Variants in BAIAP2L1 observed in about 807,000 individuals in gnomAD.
BAIAP2L1 encodes the protein BAR/IMD domain-containing adapter protein 2-like 1.
In BAIAP2L1, 35 loss-of-function variants were observed where a neutral mutation model predicts 66.3. The observed-to-expected ratio is 0.53, with a 90% CI of 0.40 to 0.70. BAIAP2L1 has a LOEUF of 0.70. BAIAP2L1 is among the 30% of genes least tolerant of loss of function. BAIAP2L1 has a pLI of 0.00. For synonymous variants in BAIAP2L1, 269 were observed against 248.7 expected (o/e 1.08, Z -0.77); for missense variants, 622 against 656.9 (o/e 0.95, Z 0.58).
chr7:98,314,227 C>T lies in BAIAP2L1; in HGVS notation c.639+1233G>A, dbSNP rs191869091. Among the ~76,000 whole-genome samples, 3 of 152,172 alleles carry T rather than the reference C, an allele frequency of 2.0e-5. No homozygotes were observed. The East Asian group carries it at 5.8e-4, about 29-fold the overall frequency. The stretch of plus-strand genomic sequence containing the variant: ...CAAACTCCTGACCTCAAGTGATTCA[C>T]CCACTTTGGTCTCCCAAAGTGCTGG... On this transcript the variant is annotated intron_variant, in intron 7 of 13. Transcript: ENST00000005260.
chr7:98,393,445 GTTAA>G (rs1171111873), intron 1 of BAIAP2L1, among the ~76,000 whole-genome samples: 2 of 151,880 alleles, frequency 1.3e-5, no homozygotes, highest in Non-Finnish European at 2.9e-5. Context: ...GCATTTTCTT[GTTAA>G]TTAAATATTA....
intron 2 of BAIAP2L1, among the ~76,000 whole-genome samples, chr7:98,361,159 C>T (rs1802261703): frequency 1.3e-5 from 2 of 152,152 alleles, no homozygotes; most frequent in East Asian, 1.9e-4. Context: ...GAGTTCGAGA[C>T]CAGCCTGGCC....
chr7:98,353,545 A>G (rs1384811008), intron 3 of BAIAP2L1, among the ~76,000 whole-genome samples: 1 of 136,686 alleles, frequency 7.3e-6, no homozygotes, highest in East Asian at 2.0e-4. Context: ...ACATATATTT[A>G]TATTATAAAT....
chr7:98,385,744 T>C, intron 1 of BAIAP2L1: 1 of 1,370,168 alleles, frequency 7.3e-7, no homozygotes, highest in African/African-American at 1.5e-5. Flanking sequence ...TTTGTTGTTT[T>C]TTTTTTCACA....
At chr7:98,332,881 A>G (rs1801532474) in intron 3 of BAIAP2L1, among the ~76,000 whole-genome samples, 1 of 145,740 alleles carries the variant, frequency 6.9e-6, no homozygotes, top group African/African-American at 2.5e-5. Context: ...CCCCATCTGC[A>G]CCCGGGGTTA....
intron 12 of BAIAP2L1, among the ~76,000 whole-genome samples, chr7:98,296,664 A>C (rs528456172): frequency 6.6e-6 from 1 of 152,266 alleles, no homozygotes; most frequent in East Asian, 1.9e-4. Context: ...ACAAAAACAG[A>C]AACAACAAAA....
At chr7:98,367,725 C>T (rs1314729373) in intron 1 of BAIAP2L1, among the ~76,000 whole-genome samples, 3 of 151,766 alleles carry the variant, frequency 2.0e-5, no homozygotes, top group Admixed American at 2.0e-4. Flanking sequence ...TTAGTAGAGA[C>T]GGGTTTCACT....
At chr7:98,364,652 G>A (rs545441295) in intron 1 of BAIAP2L1, among the ~76,000 whole-genome samples, 1 of 151,846 alleles carries the variant, frequency 6.6e-6, no homozygotes, top group Non-Finnish European at 1.5e-5. Context: ...GCTGAGTAGA[G>A]CAGAGTAGAT....
intron 3 of BAIAP2L1, among the ~76,000 whole-genome samples, chr7:98,337,091 G>A (rs972943404): frequency 2.6e-5 from 4 of 152,110 alleles, no homozygotes; most frequent in Non-Finnish European, 4.4e-5. Context: ...TGTGCAAAGC[G>A]CACTGAGTCA....
rs771557842 is a variant in BAIAP2L1 at position 98,345,544 on chromosome 7, G to A, written c.214+9498C>T. On this transcript the variant is annotated intron_variant, in intron 3 of 13. Coordinates refer to ENST00000005260, the MANE Select transcript of BAIAP2L1 (RefSeq NM_018842.5). The stretch of plus-strand genomic sequence containing the variant: ...GTTTGAGACGAGCCTGACCAGTATC[G>A]TGAAACCCCATCTTTACTAAAAATA... Among the ~76,000 whole-genome samples the A allele has an allele frequency of 2.6e-5, 4 of 151,988 alleles. No individual in the cohort carries two copies. In the South Asian group the frequency reaches 6.2e-4, roughly 24 times the overall value.
chr7:98,349,625 C>A (rs548479666), intron 3 of BAIAP2L1, among the ~76,000 whole-genome samples: 1 of 152,148 alleles, frequency 6.6e-6, no homozygotes, highest in African/African-American at 2.4e-5. Context: ...GTAATCCCAG[C>A]ACTTTGGGAG....
chr7:98,314,697 G>T (rs951505037), intron 7 of BAIAP2L1, among the ~76,000 whole-genome samples: 2 of 152,098 alleles, frequency 1.3e-5, no homozygotes, highest in Non-Finnish European at 2.9e-5. Flanking sequence ...GTGAATGGGG[G>T]CCCGTGGGCT....
intron 3 of BAIAP2L1, among the ~76,000 whole-genome samples, chr7:98,354,392 C>A (rs549536273): frequency 9.2e-5 from 14 of 152,280 alleles, no homozygotes; most frequent in African/African-American, 3.1e-4. Flanking sequence ...TCCGGTTAAG[C>A]CAGAAATTTT....
At chr7:98,338,848 C>T (rs915874687) in intron 3 of BAIAP2L1, among the ~76,000 whole-genome samples, 6 of 151,734 alleles carry the variant, frequency 4.0e-5, no homozygotes, top group South Asian at 2.1e-4. Context: ...CTGAGGTGGG[C>T]GGATCACCTG....
intron 1 of BAIAP2L1, among the ~76,000 whole-genome samples, chr7:98,397,915 C>T (rs1233682248): frequency 2.6e-5 from 4 of 152,092 alleles, no homozygotes; most frequent in Admixed American, 6.6e-5. Flanking sequence ...GCATGGATCT[C>T]CCATAATCAT....
intron 2 of BAIAP2L1, among the ~76,000 whole-genome samples, chr7:98,360,438 T>C (rs1802243924): frequency 6.6e-6 from 1 of 152,146 alleles, no homozygotes; most frequent in Non-Finnish European, 1.5e-5. Flanking sequence ...CCTACATTTC[T>C]CAATGGCTTC....
intron 3 of BAIAP2L1, among the ~76,000 whole-genome samples, chr7:98,320,817 A>T (rs937591189): frequency 2.0e-5 from 3 of 151,974 alleles, no homozygotes; most frequent in Admixed American, 1.3e-4. Flanking sequence ...AATTAATCAG[A>T]CAAATGCAAA....
intron 10 of BAIAP2L1, 116 bp downstream of exon 10, chr7:98,307,563 GAACTAAACCA>G: frequency 6.7e-7 from 1 of 1,486,898 alleles, no homozygotes; most frequent in Non-Finnish European, 8.9e-7. Context: ...AACTAAACTA[GAACTAAACCA>G]TAAACTTAAC....
chr7:98,380,078 C>CTTTT (rs113115306), intron 1 of BAIAP2L1, among the ~76,000 whole-genome samples: 1 of 140,368 alleles, frequency 7.1e-6, no homozygotes, highest in Non-Finnish European at 1.6e-5. Context: ...CTCAAAAATG[C>CTTTT]TTTTTTTTTT....
Sources: allele counts gnomAD v4.1 joint callset (sites outside exome capture counted in the v4.1 genomes callset), GRCh38; gene constraint gnomAD v4.1.1; transcripts MANE v1.5; gene names NCBI Gene and HGNC (gene_info 2026-07-23, HGNC 2026-07-21).